Variants in TNFRSF21 observed in about 807,000 individuals in gnomAD.
TNFRSF21 encodes the protein tumor necrosis factor receptor superfamily member 21.
Under a neutral mutation model 45.6 loss-of-function variants are expected in TNFRSF21, and 19 were observed. That is an observed-to-expected ratio of 0.42 (90% CI 0.29 to 0.61). The LOEUF (loss-of-function observed/expected upper bound fraction) is 0.61, where lower values mean the gene tolerates loss of function less well. Ranked by LOEUF, TNFRSF21 falls within the 20% of genes least tolerant of loss-of-function variation. The pLI, the probability that TNFRSF21 is intolerant of heterozygous loss-of-function variation, is 0.23. For synonymous variants in TNFRSF21, 314 were observed against 335.5 expected (o/e 0.94, Z 0.70); for missense variants, 737 against 851.5 (o/e 0.87, Z 1.67).
intron 1 of TNFRSF21, among the ~76,000 whole-genome samples, chr6:47,296,054 T>C (rs1296293429): frequency 6.6e-6 from 1 of 152,196 alleles, no homozygotes; most frequent in East Asian, 1.9e-4. Context: ...TCTCCTTCCG[T>C]GTCCTTAGAA....
In TNFRSF21 at chr6:47,309,806, G is replaced by C. The variant is rs553013198; in HGVS notation, c.-295C>G. 3.3e-5 allele frequency: 11 copies of C among 338,302 alleles called. 1 individual carries two copies. In the South Asian group the frequency reaches 1.0e-3, roughly 32 times the overall value. The allele number at this position is 338,302 out of a possible 1,614,324, so 21.0% of individuals were successfully genotyped here. On this transcript the variant is annotated 5_prime_UTR_variant, in exon 1 of 6. Transcript: ENST00000296861. ...AGCGGCTGAGGAGAACCAGGGAGGAGGACTGGGCGCGAGAGAGCAAAGGAA... is the reference window on the plus strand; with the variant it reads ...AGCGGCTGAGGAGAACCAGGGAGGACGACTGGGCGCGAGAGAGCAAAGGAA...
At chr6:47,291,989 T>C (rs1337649150) in intron 1 of TNFRSF21, among the ~76,000 whole-genome samples, 1 of 152,200 alleles carries the variant, frequency 6.6e-6, no homozygotes, top group East Asian at 1.9e-4. Context: ...GATCTAAAAC[T>C]AGGGCTTTTC....
At chr6:47,234,068 T>A (rs549742506) in intron 5 of TNFRSF21, among the ~76,000 whole-genome samples, 1 of 152,160 alleles carries the variant, frequency 6.6e-6, no homozygotes, top group Admixed American at 6.5e-5. Context: ...CTCAGCTCAC[T>A]GCAGCCTCCG....
rs1764586681 is a variant in TNFRSF21 at position 47,231,840 on chromosome 6, C to A, written c.*925G>T. On this transcript the variant is annotated 3_prime_UTR_variant, in exon 6 of 6. Coordinates refer to ENST00000296861, the MANE Select transcript of TNFRSF21 (RefSeq NM_014452.5). ...TATGTGTATATAAAAAACAAGACAT[C>A]TTTTAAAGCAAAGCTGGGCAAATTC... is the stretch of plus-strand genomic sequence containing the variant. 1 of 152,746 alleles carries A rather than the reference C, an allele frequency of 6.5e-6. No individual in the cohort carries two copies. The highest frequency in any genetic ancestry group is 2.1e-4 in the South Asian group (1 of 4,826). 9.5% of individuals were successfully genotyped at this position (152,746 alleles called of 1,614,324 possible).
At chr6:47,288,071 T>G (rs905790349) in intron 1 of TNFRSF21, among the ~76,000 whole-genome samples, 2 of 152,216 alleles carry the variant, frequency 1.3e-5, no homozygotes, top group African/African-American at 2.4e-5. Flanking sequence ...CTAATGGAAA[T>G]GTGTATATAT....
intron 2 of TNFRSF21, among the ~76,000 whole-genome samples, chr6:47,284,799 T>A (rs1184949674): frequency 6.6e-6 from 1 of 152,222 alleles, no homozygotes; most frequent in Non-Finnish European, 1.5e-5. Context: ...CAAATTTAAT[T>A]ATTTTGTCCA....
intron 1 of TNFRSF21, among the ~76,000 whole-genome samples, chr6:47,307,075 CA>C (rs1263681986): frequency 6.6e-6 from 1 of 152,160 alleles, no homozygotes; most frequent in Non-Finnish European, 1.5e-5. Context: ...ATGTGAAAGA[CA>C]AAAGGCATTT....
chr6:47,256,139 A>G (rs1017371302), intron 3 of TNFRSF21, among the ~76,000 whole-genome samples: 5 of 152,210 alleles, frequency 3.3e-5, no homozygotes, highest in African/African-American at 1.2e-4. Context: ...GAGGCAGATG[A>G]TGTGGAAGAC....
In TNFRSF21 at chr6:47,231,633, G is replaced by A. The variant is rs1179045818; in HGVS notation, c.*1132C>T. ...CACAAACCCCACCCACACAAAGGGA[G>A]TCCACGCCACCTTTGCATTGGAACC... On this transcript the variant is annotated 3_prime_UTR_variant, in exon 6 of 6. Coordinates refer to ENST00000296861, the MANE Select transcript of TNFRSF21 (RefSeq NM_014452.5). The A allele has an allele frequency of 1.3e-5, 2 of 152,594 alleles. No individual in the cohort carries two copies. The highest frequency in any genetic ancestry group is 2.9e-5 in the Non-Finnish European group (2 of 68,032). The allele number at this position is 152,594 out of a possible 1,614,324, so 9.5% of individuals were successfully genotyped here.
At position 47,234,866 on chromosome 6, in the gene TNFRSF21, G is replaced by A. The variant is rs1236393332; in HGVS notation, c.1542C>T (p.Ser514=). The A allele has an allele frequency of 4.2e-6, 6 of 1,432,718 alleles. No homozygotes were observed. The highest frequency in any genetic ancestry group is 1.5e-5 in the South Asian group (1 of 64,542). 88.8% of individuals were successfully genotyped at this position (1,432,718 alleles called of 1,614,324 possible). ...LETDKLALPM[S]PSPLSPSPIP... ...TGGGGCTCGGGCTAAGCGGGCTGGG[G>A]CTCATCGGGAGAGCTAGTTTGTCAG... Residue 514 remains serine (S), a synonymous_variant, in exon 5 of 6, where the codon AGC becomes AGT. Transcript: ENST00000296861.
At chr6:47,297,774 C>T (rs987953050) in intron 1 of TNFRSF21, among the ~76,000 whole-genome samples, 1 of 152,126 alleles carries the variant, frequency 6.6e-6, no homozygotes, top group Non-Finnish European at 1.5e-5. Context: ...CCGCCTGCCT[C>T]GGCCTCCCAA....
At chr6:47,283,703 C>G (rs141412114) in intron 3 of TNFRSF21, among the ~76,000 whole-genome samples, 126 of 152,284 alleles carry the variant, frequency 8.3e-4, no homozygotes, top group Non-Finnish European at 1.2e-3. Context: ...GATTCCACAA[C>G]ATTCTTCTGT....
chr6:47,253,331 T>TA lies in TNFRSF21; in HGVS notation c.1433dup (p.Ile479AsnfsTer2). ...TCCGGTGCTGGCGCAGGGCGCTAAT[T>TA]AGCTGGGCGAGGCTGGCCTCGGGGC... On this transcript the variant is annotated frameshift_variant, in exon 4 of 6. Coordinates refer to ENST00000296861, the MANE Select transcript of TNFRSF21 (RefSeq NM_014452.5). LOFTEE classifies it high-confidence loss of function. 1 of 1,614,008 alleles carries TA rather than the reference T, an allele frequency of 6.2e-7. No homozygotes were observed. The highest frequency in any genetic ancestry group is 8.5e-7 in the Non-Finnish European group (1 of 1,179,972).
At position 47,300,153 on chromosome 6, in the gene TNFRSF21, G is replaced by T. The variant is rs143327779; in HGVS notation, c.96+9263C>A. On this transcript the variant is annotated intron_variant, in intron 1 of 5. Coordinates refer to ENST00000296861, the MANE Select transcript of TNFRSF21 (RefSeq NM_014452.5). ...CTATTAAAAAGTGGCAGCCATAAAG[G>T]CTTGAACTGACGTGAATCACAGGCA... Among the ~76,000 whole-genome samples the T allele has an allele frequency of 1.5e-3, 222 of 152,286 alleles. 1 individual carries two copies. The highest frequency in any genetic ancestry group is 2.8e-3 in the Non-Finnish European group (192 of 68,018).
Position 47,269,240 on chromosome 6 carries a change from A to AAC in TNFRSF21, c.1243+14696_1243+14697dup, listed in dbSNP as rs149743493. Among the ~76,000 whole-genome samples, 1,438 of 149,428 alleles carry AAC rather than the reference A, an allele frequency of 9.6e-3. 23 individuals carry two copies. Among genetic ancestry groups the AAC allele is most frequent in the African/African-American group, 0.032 (1,281 of 40,604 alleles). ...ACACAGACACAAACACACACACACA[A>AAC]ACACACACACACACACATACACACA... On this transcript the variant is annotated intron_variant, in intron 3 of 5. Coordinates refer to ENST00000296861, the MANE Select transcript of TNFRSF21 (RefSeq NM_014452.5).
At chr6:47,251,634 C>T (rs779248201) in intron 4 of TNFRSF21, among the ~76,000 whole-genome samples, 15 of 152,140 alleles carry the variant, frequency 9.9e-5, no homozygotes, top group African/African-American at 2.7e-4. Flanking sequence ...GGACATTAGG[C>T]GACTTATTCT....
intron 4 of TNFRSF21, among the ~76,000 whole-genome samples, chr6:47,251,399 T>C (rs1764899575): frequency 6.6e-6 from 1 of 152,192 alleles, no homozygotes; most frequent in Admixed American, 6.5e-5. Context: ...TTTGGTATTA[T>C]AGAAGAGATA....
intron 3 of TNFRSF21, among the ~76,000 whole-genome samples, chr6:47,264,280 C>A (rs1270847428): frequency 6.6e-6 from 1 of 152,120 alleles, no homozygotes; most frequent in East Asian, 1.9e-4. Flanking sequence ...GTAATCCCAG[C>A]ACTTTGGGAG....
chr6:47,283,758 T>C (rs530953344), intron 3 of TNFRSF21, among the ~76,000 whole-genome samples, 180 bp downstream of exon 3: 1 of 152,346 alleles, frequency 6.6e-6, no homozygotes, highest in South Asian at 2.1e-4. Context: ...TTATTCTCTC[T>C]GAATGCATTA....
Sources: allele counts gnomAD v4.1 joint callset (sites outside exome capture counted in the v4.1 genomes callset), GRCh38; gene constraint gnomAD v4.1.1; transcripts MANE v1.5; gene names NCBI Gene and HGNC (gene_info 2026-07-23, HGNC 2026-07-21).